The following GPHN variants were observed in gnomAD, a reference collection of about 807,000 sequenced individuals.
The protein encoded by GPHN is gephyrin.
In GPHN, 17 loss-of-function variants were observed where a neutral mutation model predicts 95.5. The ratio of observed to expected loss-of-function variants is 0.18; its 90% CI spans 0.12 to 0.27. The LOEUF (loss-of-function observed/expected upper bound fraction) is 0.27. Ranked by LOEUF, GPHN falls within the 10% of genes least tolerant of loss-of-function variation. The probability of loss-of-function intolerance (pLI) is 1.00; values close to 1 mark genes in which losing one functional copy is unlikely to be tolerated. For missense variants in GPHN, 660 were observed against 978.1 expected (o/e 0.67, Z 4.34); for synonymous variants, 320 against 322.5 (o/e 0.99, Z 0.08).
At chr14:67,375,232 CTG>C in the GPHN span, among the ~76,000 whole-genome samples, 25,737 of 137,102 alleles carry the variant, frequency 0.19, 2,357 homozygotes, top group Middle Eastern at 0.27. Context: ...ATCCTCAGTT[CTG>C]TGTGTGTGTG....
At chr14:67,457,422 G>C in the GPHN span, among the ~76,000 whole-genome samples, 1 of 152,318 alleles carries the variant, frequency 6.6e-6, no homozygotes, top group East Asian at 1.9e-4. Context: ...GCAACAAAGA[G>C]AGACCCTGTC....
chr14:67,284,060 T>C, the GPHN span, among the ~76,000 whole-genome samples: 1 of 152,226 alleles, frequency 6.6e-6, no homozygotes, highest in African/African-American at 2.4e-5. Context: ...GGTTTCAGGA[T>C]TTTCTTGAGG....
rs1173184667 is a variant in GPHN at position 66,879,997 on chromosome 14, G to A, written c.353G>A (p.Gly118Glu). ...GGGATGGCCCTGGCAATGCTGATGG[G>A]ATCACTTAATGTTACACCTCTGGGC... is the stretch of plus-strand genomic sequence containing the variant. ...APGMALAMLM[G>E]SLNVTPLGML... Residue 118 changes from glycine (G) to glutamate (E), a missense_variant, in exon 5 of 23, where the codon GGA becomes GAA. By Grantham distance (98) the Gly-to-Glu change is moderately conservative. Around this residue, in one of 6 missense-constraint regions of GPHN, gnomAD observed 71 missense variants for 130.8 expected, o/e 0.54. Transcript: ENST00000478722. The A allele has an allele frequency of 1.9e-6, 3 of 1,610,922 alleles. No homozygotes were observed. Among genetic ancestry groups the A allele is most frequent in the South Asian group, 1.1e-5 (1 of 91,018 alleles).
At chr14:66,582,807 C>A (rs1373033394) in intron 1 of GPHN, among the ~76,000 whole-genome samples, 1 of 151,992 alleles carries the variant, frequency 6.6e-6, no homozygotes, top group Non-Finnish European at 1.5e-5. Flanking sequence ...GGGTTGGTTC[C>A]AAGTCTTTGC....
chr14:67,552,209 GT>G, the GPHN span, among the ~76,000 whole-genome samples: 1 of 152,186 alleles, frequency 6.6e-6, no homozygotes, highest in African/African-American at 2.4e-5. Context: ...TGGCTGGCGT[GT>G]TACCCCAGAC....
At chr14:67,261,168 A>C in the GPHN span, among the ~76,000 whole-genome samples, 1 of 152,218 alleles carries the variant, frequency 6.6e-6, no homozygotes. Flanking sequence ...TAGCTTAAAG[A>C]AAAGACAATA....
the GPHN span, chr14:67,585,494 C>T: frequency 3.9e-6 from 4 of 1,033,760 alleles, no homozygotes; most frequent in African/African-American, 6.4e-5. Context: ...GATGTGCCTT[C>T]TTTCTCAGAA....
At chr14:66,545,761 CG>C (rs1439723823) in intron 1 of GPHN, among the ~76,000 whole-genome samples, 2 of 137,790 alleles carry the variant, frequency 1.5e-5, no homozygotes, top group Non-Finnish European at 3.2e-5. Flanking sequence ...CCCTCCCGGA[CG>C]GGGCAGCTGG....
At chr14:67,687,701 C>A in the GPHN span, among the ~76,000 whole-genome samples, 1 of 151,776 alleles carries the variant, frequency 6.6e-6, no homozygotes, top group African/African-American at 2.4e-5. Context: ...GAACTCCTGA[C>A]CTCAGGTGAT....
At chr14:66,760,999 A>T in intron 2 of GPHN, 1 of 592,192 alleles carries the variant, frequency 1.7e-6, no homozygotes, top group Non-Finnish European at 3.3e-6. Context: ...GAGGATGTGG[A>T]TATGGAAGAT....
intron 3 of GPHN, among the ~76,000 whole-genome samples, chr14:66,786,588 A>G (rs2059785253): frequency 6.6e-6 from 1 of 152,132 alleles, no homozygotes; most frequent in South Asian, 2.1e-4. Flanking sequence ...AAGAAAGAAA[A>G]TGGAAAACCA....
the GPHN span, among the ~76,000 whole-genome samples, chr14:67,477,613 T>A: frequency 6.6e-6 from 1 of 152,070 alleles, no homozygotes; most frequent in Non-Finnish European, 1.5e-5. Flanking sequence ...CCCACAGGCA[T>A]CCCAAACTCC....
At chr14:67,096,097 A>AG (rs2077379957) in intron 12 of GPHN, among the ~76,000 whole-genome samples, 2 of 152,228 alleles carry the variant, frequency 1.3e-5, no homozygotes, top group Admixed American at 1.3e-4. Flanking sequence ...AAGAGAAATA[A>AG]GAAAAATGAC....
At chr14:66,687,317 C>T (rs951895201) in intron 2 of GPHN, among the ~76,000 whole-genome samples, 18 of 151,986 alleles carry the variant, frequency 1.2e-4, no homozygotes, top group Admixed American at 9.8e-4. Context: ...CTCAGGATTG[C>T]TTTGGCTATT....
At chr14:66,596,756 G>C (rs920949709) in intron 1 of GPHN, among the ~76,000 whole-genome samples, 4 of 152,208 alleles carry the variant, frequency 2.6e-5, no homozygotes, top group African/African-American at 9.6e-5. Flanking sequence ...AGAGATGCCC[G>C]GGTTTGCAGC....
chr14:67,344,040 G>T, the GPHN span, among the ~76,000 whole-genome samples: 1 of 152,162 alleles, frequency 6.6e-6, no homozygotes, highest in African/African-American at 2.4e-5. Context: ...AAGTTTCTCA[G>T]ACTGCTGACA....
the GPHN span, among the ~76,000 whole-genome samples, chr14:67,680,201 TACAAA>T: frequency 2.0e-5 from 3 of 152,228 alleles, no homozygotes; most frequent in Non-Finnish European, 2.9e-5. Flanking sequence ...TCGTCACGTT[TACAAA>T]ACAAGTCTTA....
At chr14:67,222,940 A>T in the GPHN span, among the ~76,000 whole-genome samples, 1 of 151,956 alleles carries the variant, frequency 6.6e-6, no homozygotes, top group Admixed American at 6.6e-5. Flanking sequence ...AAAAACAGCA[A>T]ATCATTATAG....
the GPHN span, among the ~76,000 whole-genome samples, chr14:67,548,597 T>C: frequency 2.6e-5 from 4 of 152,128 alleles, no homozygotes; most frequent in Non-Finnish European, 5.9e-5. Context: ...CTCTGGAGGC[T>C]GAGGCAGGAG....
Sources: allele counts gnomAD v4.1 joint callset (sites outside exome capture counted in the v4.1 genomes callset), GRCh38; gene constraint gnomAD v4.1.1; regional missense constraint gnomAD v4.1.1; transcripts MANE v1.5; gene names NCBI Gene and HGNC (gene_info 2026-07-23, HGNC 2026-07-21).